Variants in RPS6KC1 observed in about 807,000 individuals in gnomAD.
The protein encoded by RPS6KC1 is inactive ribosomal protein S6 kinase delta-1.
A neutral mutation model predicts 103.8 loss-of-function variants in RPS6KC1; 54 were observed. That is an observed-to-expected ratio of 0.52 (90% confidence interval 0.42 to 0.65). The LOEUF is 0.65. Ranked by LOEUF, RPS6KC1 falls within the 30% of genes least tolerant of loss-of-function variation. The pLI, the probability that RPS6KC1 is intolerant of heterozygous loss-of-function variation, is 0.00. For synonymous variants in RPS6KC1, 439 were observed against 438.7 expected (o/e 1.00, Z -0.01); for missense variants, 1,151 against 1,253.8 (o/e 0.92, Z 1.24).
chr1:213,650,838 A>G, the RPS6KC1 span, among the ~76,000 whole-genome samples: 2 of 151,986 alleles, frequency 1.3e-5, no homozygotes, highest in East Asian at 3.9e-4. Context: ...TGGGAAGCCA[A>G]ACTCAAACAC....
chr1:213,592,747 G>A, the RPS6KC1 span, among the ~76,000 whole-genome samples: 1 of 152,192 alleles, frequency 6.6e-6, no homozygotes, highest in East Asian at 1.9e-4. Flanking sequence ...AAGAGTTTCT[G>A]TTGTGCTAGG....
chr1:213,682,695 G>A, the RPS6KC1 span, among the ~76,000 whole-genome samples: 2 of 152,132 alleles, frequency 1.3e-5, no homozygotes, highest in African/African-American at 2.4e-5. Context: ...AATTCTATTT[G>A]TGAAGAAAAA....
At chr1:213,271,742 C>G (rs1293582204) in intron 14 of RPS6KC1, among the ~76,000 whole-genome samples, 1 of 122,496 alleles carries the variant, frequency 8.2e-6, no homozygotes, top group Non-Finnish European at 1.6e-5. Context: ...CCAGCCTGGG[C>G]GACAGAGCGA....
chr1:213,397,187 T>A, the RPS6KC1 span, among the ~76,000 whole-genome samples: 1 of 152,172 alleles, frequency 6.6e-6, no homozygotes, highest in Non-Finnish European at 1.5e-5. Context: ...CTACTGCATA[T>A]AAGCACGTGG....
At chr1:213,509,750 CAGCAGA>C in the RPS6KC1 span, among the ~76,000 whole-genome samples, 2 of 152,202 alleles carry the variant, frequency 1.3e-5, no homozygotes, top group African/African-American at 4.8e-5. Flanking sequence ...TTCTCCCCTG[CAGCAGA>C]CACAAACTTT....
the RPS6KC1 span, among the ~76,000 whole-genome samples, chr1:213,344,556 CAG>C: frequency 6.6e-6 from 1 of 151,024 alleles, no homozygotes; most frequent in Non-Finnish European, 1.5e-5. Flanking sequence ...TTTTTTGAGA[CAG>C]AGTCTCATTC....
chr1:213,666,884 G>A, the RPS6KC1 span, among the ~76,000 whole-genome samples: 31 of 152,336 alleles, frequency 2.0e-4, no homozygotes, highest in Non-Finnish European at 3.7e-4. Flanking sequence ...GTATGTTGCC[G>A]GGAGAGGCAC....
the RPS6KC1 span, among the ~76,000 whole-genome samples, chr1:213,682,936 C>G: frequency 6.6e-6 from 1 of 152,318 alleles, no homozygotes; most frequent in South Asian, 2.1e-4. Flanking sequence ...ATATTAACAA[C>G]AGACATCTCC....
At chr1:213,171,442 G>GT (rs1272639350) in intron 7 of RPS6KC1, among the ~76,000 whole-genome samples, 1 of 151,130 alleles carries the variant, frequency 6.6e-6, no homozygotes, top group African/African-American at 2.4e-5. Flanking sequence ...ATTTAGAATA[G>GT]TTTTTTTGCT....
chr1:213,428,122 C>T, the RPS6KC1 span, among the ~76,000 whole-genome samples: 1 of 152,138 alleles, frequency 6.6e-6, no homozygotes, highest in East Asian at 1.9e-4. Context: ...CTACAGAAGA[C>T]CAGGGAACAG....
At chr1:213,689,254 G>A in the RPS6KC1 span, among the ~76,000 whole-genome samples, 21 of 152,248 alleles carry the variant, frequency 1.4e-4, no homozygotes, top group Non-Finnish European at 2.1e-4. Context: ...GAGGAATGAC[G>A]AAGCTCTGTG....
chr1:213,687,015 T>C, the RPS6KC1 span, among the ~76,000 whole-genome samples: 11 of 150,940 alleles, frequency 7.3e-5, no homozygotes, highest in Admixed American at 6.6e-5. Flanking sequence ...AGCATGCTAA[T>C]GTATTATCAT....
the RPS6KC1 span, among the ~76,000 whole-genome samples, chr1:213,611,853 G>A: frequency 6.6e-6 from 1 of 152,218 alleles, no homozygotes; most frequent in Non-Finnish European, 1.5e-5. Flanking sequence ...ATTATAAGGT[G>A]TGAAATAGGT....
chr1:213,512,684 A>AC, the RPS6KC1 span, among the ~76,000 whole-genome samples: 1 of 152,338 alleles, frequency 6.6e-6, no homozygotes, highest in African/African-American at 2.4e-5. Flanking sequence ...TATGAGGCAC[A>AC]CTTGTGCTTC....
chr1:213,492,552 T>TC, the RPS6KC1 span: 3 of 152,236 alleles, frequency 2.0e-5, no homozygotes, highest in African/African-American at 7.2e-5. Flanking sequence ...ATTCTCCACC[T>TC]CCTTTTCCCT....
the RPS6KC1 span, among the ~76,000 whole-genome samples, chr1:213,826,323 C>A: frequency 6.6e-6 from 1 of 152,098 alleles, no homozygotes; most frequent in African/African-American, 2.4e-5. Context: ...ATATTATTAT[C>A]ACTAAATTAT....
rs150205713 is a variant in RPS6KC1, at chr1:213,238,019, T to C, written c.1226-2683T>C. On this transcript the variant is annotated intron_variant, in intron 10 of 14. Coordinates refer to ENST00000366960, the MANE Select transcript of RPS6KC1 (RefSeq NM_012424.6). ...TTTCAAAAAATTTGTACAGATGTTATCTTTTTATAACTCAGTTTAATAAAT... is the reference window on the plus strand; with the variant it reads ...TTTCAAAAAATTTGTACAGATGTTACCTTTTTATAACTCAGTTTAATAAAT... Among the ~76,000 whole-genome samples the C allele has an allele frequency of 3.5e-3, 538 of 152,272 alleles. 4 individuals are homozygous for C. The highest frequency in any genetic ancestry group is 0.012 in the African/African-American group (505 of 41,586).
the RPS6KC1 span, among the ~76,000 whole-genome samples, chr1:213,367,913 A>G: frequency 6.6e-6 from 1 of 152,228 alleles, no homozygotes; most frequent in African/African-American, 2.4e-5. Flanking sequence ...CCTAATGGGA[A>G]ACCTCTTCAG....
chr1:213,205,541 T>TATATAG (rs1005748313), intron 8 of RPS6KC1, among the ~76,000 whole-genome samples: 1 of 110,030 alleles, frequency 9.1e-6, no homozygotes, highest in African/African-American at 3.5e-5. Flanking sequence ...CTCATTTATA[T>TATATAG]ATATAGATAT....
Sources: gnomAD v4.1 joint callset for allele counts (sites outside exome capture counted in the v4.1 genomes callset) on GRCh38, gnomAD v4.1.1 for gene constraint, MANE v1.5 for transcripts, NCBI Gene and HGNC (gene_info 2026-07-23, HGNC 2026-07-21) for gene names.